TNKS: variants seen among roughly 807,000 people sequenced by gnomAD.
The protein encoded by TNKS is tankyrase.
TNKS carries 72 observed loss-of-function variants against 135.8 expected under a neutral mutation model. That is an observed-to-expected ratio of 0.53 (90% CI 0.44 to 0.64). The LOEUF is 0.64. Among genes scored for constraint, TNKS ranks in the 30% least tolerant of loss-of-function variants. The pLI, the probability that TNKS is intolerant of heterozygous loss-of-function variation, is 0.00. For missense variants in TNKS, 1,769 were observed against 1,674.0 expected, an observed-to-expected ratio of 1.06 and a Z score of -0.99; for synonymous variants, 849 against 649.3, an observed-to-expected ratio of 1.31 and a Z score of -4.68.
chr8:9,694,004 G>A (rs1000657858), intron 5 of TNKS, among the ~76,000 whole-genome samples: 4 of 152,128 alleles, frequency 2.6e-5, no homozygotes, highest in Non-Finnish European at 5.9e-5. Flanking sequence ...CAAAGGAGTT[G>A]GTCTAGGCCA....
chr8:9,558,155 A>G (rs534226402), intron 1 of TNKS: 1 of 152,280 alleles, frequency 6.6e-6, no homozygotes, highest in East Asian at 1.9e-4. Context: ...CCCTTAATAC[A>G]TGTGTTGTCC....
intron 3 of TNKS, among the ~76,000 whole-genome samples, chr8:9,621,607 G>A (rs924466056): frequency 4.6e-5 from 7 of 151,624 alleles, no homozygotes; most frequent in Non-Finnish European, 1.0e-4. Flanking sequence ...TTTTTCTTTT[G>A]GCCATTGTTC....
chr8:9,663,653 G>T (rs537665131), intron 3 of TNKS, among the ~76,000 whole-genome samples: 27 of 152,314 alleles, frequency 1.8e-4, no homozygotes, highest in African/African-American at 6.5e-4. Flanking sequence ...TCTGCTGGCT[G>T]TCAATTGGGG....
intron 5 of TNKS, among the ~76,000 whole-genome samples, chr8:9,698,898 C>G (rs902188736): frequency 1.3e-5 from 2 of 152,152 alleles, no homozygotes; most frequent in South Asian, 4.1e-4. Context: ...TTCCTTAAGA[C>G]CTTTTTTTCT....
intron 20 of TNKS, among the ~76,000 whole-genome samples, chr8:9,758,479 G>T (rs745826543): frequency 6.6e-6 from 1 of 152,104 alleles, no homozygotes; most frequent in Non-Finnish European, 1.5e-5. Flanking sequence ...CCAAGATAGC[G>T]TAGGTAGATC....
intron 26 of TNKS, 50 bp downstream of exon 26, chr8:9,770,312 G>C: frequency 1.3e-6 from 2 of 1,560,510 alleles, no homozygotes; most frequent in Non-Finnish European, 1.7e-6. Context: ...CATGTCAATA[G>C]AGCACAGAGA....
chr8:9,598,741 GTGTATA>G (rs1798890211), intron 2 of TNKS, among the ~76,000 whole-genome samples: 2 of 102,740 alleles, frequency 1.9e-5, no homozygotes, highest in African/African-American at 7.3e-5. Flanking sequence ...GTGTCTGTGT[GTGTATA>G]TATGTATATG....
rs141245064 is a variant in TNKS at position 9,735,496 on chromosome 8, C to G, written c.2643+10C>G. 3.4e-4 allele frequency: 540 copies of G among 1,607,754 alleles called. 4 individuals are homozygous for G. In the African/African-American group the frequency reaches 6.6e-3, roughly 20 times the overall value. ...TGCGGCATCTTATGGGGTAAGCATA[C>G]TAACATTAAAATCTAGAAAACTGAC... On this transcript the variant is annotated intron_variant, in intron 17 of 26. Transcript: ENST00000310430.
At chr8:9,638,963 A>G (rs1800623619) in intron 3 of TNKS, among the ~76,000 whole-genome samples, 2 of 152,142 alleles carry the variant, frequency 1.3e-5, no homozygotes, top group Admixed American at 1.3e-4. Flanking sequence ...AAAGCGATGG[A>G]AGTGAGGATG....
chr8:9,669,547 T>G (rs1251247719), intron 3 of TNKS, among the ~76,000 whole-genome samples: 1 of 152,238 alleles, frequency 6.6e-6, no homozygotes, highest in Non-Finnish European at 1.5e-5. Context: ...GATATCATGT[T>G]ACATATCTGT....
intron 17 of TNKS, among the ~76,000 whole-genome samples, chr8:9,747,571 A>G (rs1806304424): frequency 6.6e-6 from 1 of 152,218 alleles, no homozygotes; most frequent in Non-Finnish European, 1.5e-5. Context: ...ATTTCAGTAA[A>G]TCTGATTGCA....
rs574524701 is a variant in TNKS at position 9,762,891 on chromosome 8, C to G, written c.3275-256C>G. Reference sequence around the variant, plus strand: ...CTGCACTCCAGCCTGGGCGACAGAGCGAGGCTCCGTCTCAAAAAAAAAAAA... The same window carrying G: ...CTGCACTCCAGCCTGGGCGACAGAGGGAGGCTCCGTCTCAAAAAAAAAAAA... On this transcript the variant is annotated intron_variant, in intron 21 of 26. Transcript: ENST00000310430. Among the ~76,000 whole-genome samples, 8 of 142,278 alleles carry G rather than the reference C, an allele frequency of 5.6e-5. No homozygotes were observed. The East Asian group carries it at 1.7e-3, about 30-fold the overall frequency. The allele number at this position is 142,278 out of a possible 152,430, so 93.3% of individuals were successfully genotyped here.
intron 18 of TNKS, 105 bp from the exon 19 acceptor site, chr8:9,751,504 G>A: frequency 1.1e-6 from 1 of 936,128 alleles, no homozygotes; most frequent in Non-Finnish European, 1.6e-6. Flanking sequence ...TGATAATGAG[G>A]CATTCATTAA....
chr8:9,760,712 C>T (rs1807107633), intron 20 of TNKS, among the ~76,000 whole-genome samples: 1 of 152,156 alleles, frequency 6.6e-6, no homozygotes, highest in African/African-American at 2.4e-5. Flanking sequence ...GTAGTAGAGT[C>T]CCAGCTACTT....
chr8:9,659,262 C>T (rs1392211477), intron 3 of TNKS, among the ~76,000 whole-genome samples: 1 of 152,148 alleles, frequency 6.6e-6, no homozygotes, highest in East Asian at 1.9e-4. Flanking sequence ...AACTCTCCAC[C>T]CCAAATCAAC....
At chr8:9,575,364 A>C in intron 1 of TNKS, 1 of 984,944 alleles carries the variant, frequency 1.0e-6, no homozygotes, top group Non-Finnish European at 1.2e-6. Flanking sequence ...GGTGTGAGCC[A>C]CCGCGCCCGG....
chr8:9,655,206 C>T (rs1435743860), intron 3 of TNKS, among the ~76,000 whole-genome samples: 17 of 152,214 alleles, frequency 1.1e-4, no homozygotes, highest in Admixed American at 9.2e-4. Context: ...GGGGCGCCCA[C>T]CATTGCCCAG....
chr8:9,706,171 G>A lies in TNKS; in HGVS notation c.1203-16G>A. 1 of 1,552,608 alleles carries A rather than the reference G, an allele frequency of 6.4e-7. No individual in the cohort carries two copies. The highest frequency in any genetic ancestry group is 1.3e-5 in the South Asian group (1 of 76,912). Reference sequence around the variant, plus strand: ...GTTTGAAATTTAAGTATTTTAATTTGCCTCTTTTCATTTAGTGGACTTGTG... The same window carrying A: ...GTTTGAAATTTAAGTATTTTAATTTACCTCTTTTCATTTAGTGGACTTGTG... On this transcript the variant is annotated splice_polypyrimidine_tract_variant and intron_variant, in intron 6 of 26. Coordinates refer to ENST00000310430, the MANE Select transcript of TNKS (RefSeq NM_003747.3).
At chr8:9,586,379 G>A (rs937864675) in intron 2 of TNKS, among the ~76,000 whole-genome samples, 1 of 152,020 alleles carries the variant, frequency 6.6e-6, no homozygotes, top group Non-Finnish European at 1.5e-5. Flanking sequence ...TCCCAGTTCA[G>A]AACTTCAATT....
Sources: allele counts gnomAD v4.1 joint callset (sites outside exome capture counted in the v4.1 genomes callset), GRCh38; gene constraint gnomAD v4.1.1; transcripts MANE v1.5; gene names NCBI Gene and HGNC (gene_info 2026-07-23, HGNC 2026-07-21).